The following PCNT variants were observed in gnomAD, a reference collection of about 807,000 sequenced individuals.
PCNT encodes the protein kendrin.
PCNT carries 319 observed loss-of-function variants against 380.4 expected under a neutral mutation model. The observed-to-expected ratio is 0.84, with a 90% CI of 0.77 to 0.92. The LOEUF (loss-of-function observed/expected upper bound fraction) is 0.92. Ranked by LOEUF, PCNT falls within the 40% of genes least tolerant of loss-of-function variation. The pLI is 0.00. For missense variants in PCNT, 4,400 were observed against 4,255.3 expected (o/e 1.03, Z -0.95); for synonymous variants, 1,845 against 1,735.2 (o/e 1.06, Z -1.57).
chr21:46,383,770 G>A (rs1470515943), intron 16 of PCNT, among the ~76,000 whole-genome samples: 15 of 133,482 alleles, frequency 1.1e-4, no homozygotes, highest in African/African-American at 1.6e-4. Context: ...CAGCGGAAGC[G>A]CATTCACGGT....
In PCNT at chr21:46,444,903, G is replaced by A. The variant is rs564101679; in HGVS notation, c.9967+82G>A. On this transcript the variant is annotated intron_variant, in intron 46 of 46. Transcript: ENST00000359568. ...CGTAGGGTCTGTTGAAAGATGGCTG[G>A]TATTCAGCTTAGTAACCAAAGTTTC... 38 of 1,333,392 alleles carry A rather than the reference G, an allele frequency of 2.8e-5. No individual in the cohort carries two copies. The South Asian group carries it at 4.4e-4, about 15-fold the overall frequency. The allele number at this position is 1,333,392 out of a possible 1,614,324, so 82.6% of individuals were successfully genotyped here.
At chr21:46,399,919 C>G in intron 25 of PCNT, 123 bp downstream of exon 25, 1 of 829,940 alleles carries the variant, frequency 1.2e-6, no homozygotes, top group Non-Finnish European at 2.1e-6. Context: ...ACGTCTGCAC[C>G]AGAAACACTG....
At chr21:46,403,937 C>T (rs189435107) in intron 27 of PCNT, among the ~76,000 whole-genome samples, 21 of 116,274 alleles carry the variant, frequency 1.8e-4, no homozygotes, top group East Asian at 8.7e-4. Flanking sequence ...GGCGCGTGCT[C>T]GGTGAATGAA....
In PCNT at chr21:46,398,265, C is replaced by T. The variant is rs755871479; in HGVS notation, c.4584+10C>T. ...GCCGCTGGATGGAGAGGTGAGGAGG[C>T]GTCAACGAGATGGGCACTCCCTGCG... is the stretch of plus-strand genomic sequence containing the variant. On this transcript the variant is annotated intron_variant, in intron 24 of 46. Transcript: ENST00000359568. 9 of 1,602,068 alleles carry T rather than the reference C, an allele frequency of 5.6e-6. No homozygotes were observed. Among genetic ancestry groups the T allele is most frequent in the South Asian group, 3.4e-5 (3 of 89,452 alleles).
chr21:46,426,077 T>TA, intron 33 of PCNT, 106 bp downstream of exon 33: 5 of 974,494 alleles, frequency 5.1e-6, no homozygotes, highest in Non-Finnish European at 6.9e-6. Flanking sequence ...TTCTTTTTTT[T>TA]TTTTTTTTTT....
rs766280665 is a variant in PCNT at position 46,399,647 on chromosome 21, A to G, written c.4642A>G (p.Ile1548Val). The change falls in exon 25 of 47, where the codon ATA (isoleucine) becomes GTA (valine). Residue 1548 changes from isoleucine (I) to valine (V), a missense_variant. Physicochemically the swap from Ile to Val is conservative, Grantham distance 29 (BLOSUM62 3). Coordinates refer to ENST00000359568, the MANE Select transcript of PCNT (RefSeq NM_006031.6). ...EKLDEFNELA[I>V]QKESADRQVL... ...GTTGGATGAATTTAATGAATTGGCT[A>G]TACAGAAAGAGTCGGCAGATAGACA... 3.1e-5 allele frequency: 50 copies of G among 1,614,020 alleles called. 2 individuals are homozygous for G. In the South Asian group the frequency reaches 4.0e-4, roughly 13 times the overall value.
At chr21:46,353,549 G>A (rs2084352846) in intron 10 of PCNT, among the ~76,000 whole-genome samples, 1 of 152,122 alleles carries the variant, frequency 6.6e-6, no homozygotes, top group South Asian at 2.1e-4. Flanking sequence ...GTCCAGGCCT[G>A]CGTGCACATG....
At chr21:46,352,432 C>T (rs775683747) in intron 9 of PCNT, among the ~76,000 whole-genome samples, 12 of 152,130 alleles carry the variant, frequency 7.9e-5, no homozygotes, top group Non-Finnish European at 1.6e-4. Context: ...CTGCTCCCCG[C>T]GGGCTCCGGC....
chr21:46,382,454 C>T (rs2085594277), intron 16 of PCNT, among the ~76,000 whole-genome samples: 1 of 146,654 alleles, frequency 6.8e-6, no homozygotes, highest in Non-Finnish European at 1.5e-5. Flanking sequence ...GGCGGAAGCG[C>T]ATTCACCATG....
At chr21:46,359,480 G>GTTTTTTGTTTTTT (rs2084611147) in intron 13 of PCNT, among the ~76,000 whole-genome samples, 1 of 65,732 alleles carries the variant, frequency 1.5e-5, no homozygotes, top group Non-Finnish European at 3.4e-5. Context: ...AAATACACCT[G>GTTTTTTGTTTTTT]TTTTTTTTTT....
intron 32 of PCNT, among the ~76,000 whole-genome samples, chr21:46,424,917 T>C (rs1203636963): frequency 2.0e-5 from 3 of 152,230 alleles, no homozygotes; most frequent in Non-Finnish European, 2.9e-5. Flanking sequence ...TTTCACACTT[T>C]AGTGTTAATA....
Position 46,354,015 on chromosome 21 carries a change from C to A in PCNT, c.1708C>A (p.Pro570Thr), listed in dbSNP as rs775754428. 1.2e-6 allele frequency: 2 copies of A among 1,614,040 alleles called. No individual in the cohort carries two copies. Among genetic ancestry groups the A allele is most frequent in the South Asian group, 2.2e-5 (2 of 91,086 alleles). Residue 570 changes from proline (P) to threonine (T), a missense_variant, in exon 11 of 47, where the codon CCT (proline) becomes ACT (threonine). By Grantham distance (38) the Pro-to-Thr change is conservative. Coordinates refer to ENST00000359568, the MANE Select transcript of PCNT (RefSeq NM_006031.6). ...GTCCTGTGTGGGTTTAGAAGAGAAA[C>A]CTGAGAAAGGAAGAAAAGATCACGT... ...GLSCVGLEEK[P>T]EKGRKDHVDE...
intron 34 of PCNT, 98 bp downstream of exon 34, chr21:46,427,893 G>C (rs943761809): frequency 1.5e-6 from 2 of 1,374,596 alleles, no homozygotes; most frequent in Admixed American, 3.6e-5. Flanking sequence ...ATTTCGGTTT[G>C]TGTGTTTCTC....
chr21:46,426,924 C>T (rs931619762), intron 33 of PCNT, among the ~76,000 whole-genome samples: 4 of 152,174 alleles, frequency 2.6e-5, no homozygotes, highest in Non-Finnish European at 4.4e-5. Context: ...ACAGGGTGTG[C>T]TGGTGCCATG....
rs190610189 is a variant in PCNT at position 46,414,540 on chromosome 21, C to G, written c.6151-1529C>G. Among the ~76,000 whole-genome samples, 101 of 150,114 alleles carry G rather than the reference C, an allele frequency of 6.7e-4. 2 individuals are homozygous for G. The East Asian group carries it at 0.016, about 23-fold the overall frequency. On this transcript the variant is annotated intron_variant, in intron 29 of 46. Coordinates refer to ENST00000359568, the MANE Select transcript of PCNT (RefSeq NM_006031.6). The stretch of plus-strand genomic sequence containing the variant: ...AACCACCCACCCTGCTCCTCCTCCT[C>G]CTCCTCCTGGACATGCAGCCGCCCA...
At position 46,388,946 on chromosome 21, in the gene PCNT, TCTC is replaced by T; in HGVS notation, c.3607+63_3607+65del. The T allele has an allele frequency of 6.5e-7, 1 of 1,540,554 alleles. No individual in the cohort carries two copies. The highest frequency in any genetic ancestry group is 8.7e-7 in the Non-Finnish European group (1 of 1,148,136). On this transcript the variant is annotated intron_variant, in intron 18 of 46. Transcript: ENST00000359568. This position sits in a 1 kb window ranked among gnomAD's most constrained non-coding sequence, Gnocchi z 4.2. ...TGCAGCCCCTCTGTGGTCCTGGAGC[TCTC>T]TGAGAGGAGCCTCCGTATTGGGCGA...
chr21:46,391,194 C>G lies in PCNT; in HGVS notation c.4034C>G (p.Ala1345Gly). 1 of 1,607,424 alleles carries G rather than the reference C, an allele frequency of 6.2e-7. No individual in the cohort carries two copies. Among genetic ancestry groups the G allele is most frequent in the South Asian group, 1.1e-5 (1 of 89,384 alleles). ...CTTGAGGGATTCAAGGTGGAGACAGCAGATCTGAAGGAGGTGCTGGCCGGG... is the reference window on the plus strand; with the variant it reads ...CTTGAGGGATTCAAGGTGGAGACAGGAGATCTGAAGGAGGTGCTGGCCGGG... ...GTLEGFKVETADLKEVLAGKE... is the reference protein window; with the variant it reads ...GTLEGFKVETGDLKEVLAGKE... The change falls in exon 21 of 47, where the codon GCA becomes GGA. Residue 1345 changes from alanine to glycine, a missense_variant. Physicochemically the swap from Ala to Gly is moderately conservative, Grantham distance 60. Transcript: ENST00000359568.
At chr21:46,372,333 GCA>G (rs1387336001) in intron 15 of PCNT, among the ~76,000 whole-genome samples, 9 of 151,316 alleles carry the variant, frequency 5.9e-5, no homozygotes, top group African/African-American at 1.2e-4. Context: ...CACAACACGT[GCA>G]CACACATGCA....
At chr21:46,396,140 C>T (rs1367014322) in intron 21 of PCNT, among the ~76,000 whole-genome samples, 1 of 152,242 alleles carries the variant, frequency 6.6e-6, no homozygotes, top group African/African-American at 2.4e-5. Context: ...GCAGAGAGCC[C>T]CTTTTTCCAA....
Sources: allele counts gnomAD v4.1 joint callset (sites outside exome capture counted in the v4.1 genomes callset), GRCh38; gene constraint gnomAD v4.1.1; non-coding constraint Gnocchi (gnomAD v3.1); transcripts MANE v1.5; gene names NCBI Gene and HGNC (gene_info 2026-07-23, HGNC 2026-07-21).